Variants in LINGO2 observed in about 807,000 individuals in gnomAD.
The protein encoded by LINGO2 is leucine rich repeat and Ig domain containing 2, also known as leucine-rich repeat and immunoglobulin-like domain-containing nogo receptor-interacting protein 2.
Under a neutral mutation model 30.6 loss-of-function variants are expected in LINGO2, and 14 were observed. The observed-to-expected ratio is 0.46, with a 90% CI of 0.30 to 0.72. The LOEUF is 0.72. LINGO2 is among the 30% of genes least tolerant of loss of function. The probability of loss-of-function intolerance (pLI) is 0.07; values close to 1 mark genes in which losing one functional copy is unlikely to be tolerated. For missense variants in LINGO2, 729 were observed against 751.7 expected (o/e 0.97, Z 0.35); for synonymous variants, 317 against 288.5 (o/e 1.10, Z -1.00).
At chr9:29,188,902 G>A in the LINGO2 span, among the ~76,000 whole-genome samples, 1 of 149,372 alleles carries the variant, frequency 6.7e-6, no homozygotes, top group East Asian at 2.0e-4. Flanking sequence ...TCCCAGTAGG[G>A]GTGGCCGGGC....
chr9:28,991,599 T>C, the LINGO2 span, among the ~76,000 whole-genome samples: 4 of 144,326 alleles, frequency 2.8e-5, no homozygotes, highest in Non-Finnish European at 6.1e-5. Context: ...GAAAAAATGT[T>C]AAGGGCAGCC....
chr9:28,615,921 T>A (rs1241429803), intron 1 of LINGO2, among the ~76,000 whole-genome samples: 1 of 152,178 alleles, frequency 6.6e-6, no homozygotes, highest in Non-Finnish European at 1.5e-5. Flanking sequence ...GAATATATAC[T>A]GTATGACTCC....
Position 28,463,818 on chromosome 9 carries a change from G to A in LINGO2, c.-279+12122C>T, listed in dbSNP as rs77523000. Reference sequence around the variant, plus strand: ...AGCCTATGATAGCTGTTTTAATTGAGTGCATTTGGCAGGAAAAAATATCTT... The same window carrying A: ...AGCCTATGATAGCTGTTTTAATTGAATGCATTTGGCAGGAAAAAATATCTT... On this transcript the variant is annotated intron_variant, in intron 2 of 5. Transcript: ENST00000379992. Among the ~76,000 whole-genome samples, 301 of 152,182 alleles carry A rather than the reference G, an allele frequency of 2.0e-3. 2 individuals are homozygous for A. The highest frequency in any genetic ancestry group is 6.8e-3 in the African/African-American group (283 of 41,536).
chr9:29,140,298 G>T, the LINGO2 span, among the ~76,000 whole-genome samples: 187 of 151,968 alleles, frequency 1.2e-3, 1 homozygote, highest in African/African-American at 4.3e-3. Flanking sequence ...GACTCAGGAA[G>T]CTCATGAAAA....
At chr9:28,744,599 A>T in the LINGO2 span, among the ~76,000 whole-genome samples, 1 of 125,104 alleles carries the variant, frequency 8.0e-6, no homozygotes, top group Non-Finnish European at 1.7e-5. Context: ...CCTGGCTCAG[A>T]TATTCCCCTC....
At chr9:29,142,719 C>G in the LINGO2 span, among the ~76,000 whole-genome samples, 3 of 151,916 alleles carry the variant, frequency 2.0e-5, no homozygotes, top group Non-Finnish European at 4.4e-5. Context: ...GAAACATTTC[C>G]TCTAAGATTA....
chr9:28,664,719 C>A (rs1215144998), intron 1 of LINGO2, among the ~76,000 whole-genome samples: 2 of 151,540 alleles, frequency 1.3e-5, no homozygotes, highest in African/African-American at 4.8e-5. Context: ...TTTTTGTCTC[C>A]CAGAATGCTC....
intron 4 of LINGO2, among the ~76,000 whole-genome samples, chr9:28,199,974 A>T (rs2133815635): frequency 6.7e-6 from 1 of 150,190 alleles, no homozygotes; most frequent in Admixed American, 6.7e-5. Flanking sequence ...TTCAATTTGA[A>T]ATACCAGTTG....
At chr9:28,630,728 G>T (rs961175439) in intron 1 of LINGO2, among the ~76,000 whole-genome samples, 57 of 152,020 alleles carry the variant, frequency 3.7e-4, no homozygotes, top group Non-Finnish European at 7.4e-4. Flanking sequence ...TAATCAAATG[G>T]TTATAAGCAC....
chr9:28,303,820 G>A (rs1011993871), intron 3 of LINGO2, among the ~76,000 whole-genome samples: 2 of 151,852 alleles, frequency 1.3e-5, no homozygotes, highest in African/African-American at 4.8e-5. Flanking sequence ...TGCTGTCTCT[G>A]GGGTGGCAGA....
chr9:28,622,117 A>T (rs1167487644), intron 1 of LINGO2, among the ~76,000 whole-genome samples: 3 of 152,070 alleles, frequency 2.0e-5, no homozygotes, highest in Admixed American at 6.6e-5. Flanking sequence ...ATCATAGCAA[A>T]TGAGGTATCC....
the LINGO2 span, among the ~76,000 whole-genome samples, chr9:29,149,902 T>G: frequency 6.6e-6 from 1 of 152,120 alleles, no homozygotes; most frequent in East Asian, 1.9e-4. Flanking sequence ...GCATGTGTGT[T>G]TTGCAGACCT....
chr9:29,160,603 CAGAG>C, the LINGO2 span, among the ~76,000 whole-genome samples: 24,199 of 151,914 alleles, frequency 0.16, 2,030 homozygotes, highest in East Asian at 0.37. Context: ...GATTATAAAC[CAGAG>C]AGAATGTTAC....
At chr9:29,165,158 A>G in the LINGO2 span, among the ~76,000 whole-genome samples, 1 of 152,148 alleles carries the variant, frequency 6.6e-6, no homozygotes, top group Non-Finnish European at 1.5e-5. Flanking sequence ...TTTGCTCTTA[A>G]TGGGAAAACT....
At chr9:28,564,975 T>C (rs1227765101) in intron 1 of LINGO2, among the ~76,000 whole-genome samples, 1 of 152,022 alleles carries the variant, frequency 6.6e-6, no homozygotes, top group Admixed American at 6.6e-5. Flanking sequence ...ATACATGTTA[T>C]TCCCTTAAAG....
chr9:28,874,927 G>A, the LINGO2 span, among the ~76,000 whole-genome samples: 1 of 152,088 alleles, frequency 6.6e-6, no homozygotes, highest in Non-Finnish European at 1.5e-5. Context: ...GAGAAAGGTT[G>A]TACTGGTTGA....
At chr9:28,020,784 A>AT (rs1458571541) in intron 4 of LINGO2, among the ~76,000 whole-genome samples, 1 of 152,106 alleles carries the variant, frequency 6.6e-6, no homozygotes, top group Non-Finnish European at 1.5e-5. Context: ...TCTTTTGAGG[A>AT]TTTAGTCCAC....
intron 2 of LINGO2, among the ~76,000 whole-genome samples, chr9:28,413,940 G>A (rs943291336): frequency 7.2e-5 from 11 of 151,776 alleles, no homozygotes; most frequent in Non-Finnish European, 1.5e-4. Flanking sequence ...AAATCAATTA[G>A]TATTAATTTA....
Position 28,104,254 on chromosome 9 carries a change from AGTTTTTTGTTT to A in LINGO2, c.-86-91860_-86-91850del, listed in dbSNP as rs1826504228. Among the ~76,000 whole-genome samples the A allele has an allele frequency of 4.4e-5, 4 of 90,224 alleles. 1 individual carries two copies. The highest frequency in any genetic ancestry group is 5.0e-5 in the Non-Finnish European group (2 of 39,876). 59.2% of individuals were successfully genotyped at this position (90,224 alleles called of 152,430 possible). On this transcript the variant is annotated intron_variant, in intron 4 of 5. Coordinates refer to ENST00000379992, the Ensembl canonical transcript of LINGO2. Reference sequence around the variant, plus strand: ...TAGGGATTTGCTTTTCCCCAGTACAAGTTTTTTGTTTGTTTTTTTTTTTTTTTTTTTTGCTT... The same window carrying A: ...TAGGGATTTGCTTTTCCCCAGTACAAGTTTTTTTTTTTTTTTTTTTTGCTT...
Sources: gnomAD v4.1 joint callset for allele counts (sites outside exome capture counted in the v4.1 genomes callset) on GRCh38, gnomAD v4.1.1 for gene constraint, MANE v1.5 for transcripts, NCBI Gene and HGNC (gene_info 2026-07-23, HGNC 2026-07-21) for gene names.